ACAP3: variants seen among roughly 807,000 people sequenced by gnomAD.
ACAP3 encodes ArfGAP with coiled-coil, ankyrin repeat and PH domains 3, also known as arf-GAP with coiled-coil, ANK repeat and PH domain-containing protein 3.
A neutral mutation model predicts 104.1 loss-of-function variants in ACAP3; 56 were observed. The ratio of observed to expected loss-of-function variants is 0.54; its 90% CI spans 0.43 to 0.67. The LOEUF is 0.67. Among genes scored for constraint, ACAP3 ranks in the 30% least tolerant of loss-of-function variants. The pLI, the probability that ACAP3 is intolerant of heterozygous loss-of-function variation, is 0.00. For missense variants in ACAP3, 1,208 were observed against 1,174.9 expected (o/e 1.03, Z -0.41); for synonymous variants, 628 against 496.2 (o/e 1.27, Z -3.53).
Position 1,303,741 on chromosome 1 carries a change from C to G in ACAP3, c.105+345G>C. On this transcript the variant is annotated intron_variant, in intron 2 of 23. Coordinates refer to ENST00000354700, the MANE Select transcript of ACAP3 (RefSeq NM_030649.3). The surrounding 1 kb of genome is among the most constrained non-coding windows in gnomAD (Gnocchi z 4.0). The stretch of plus-strand genomic sequence containing the variant: ...CCCCTCCACGGCCTGTTGCCCCCTC[C>G]CCTTTCTCAGCCCCAGCCCCAGCCA... The G allele has an allele frequency of 2.2e-6, 1 of 451,560 alleles. No individual in the cohort carries two copies. 28.0% of individuals were successfully genotyped at this position (451,560 alleles called of 1,614,324 possible). A position where few individuals can be genotyped will look rare whatever the true frequency, so the allele number is the denominator to read the frequency against.
At chr1:1,299,524 A>G (rs757162130) in intron 9 of ACAP3, 168 bp from the exon 10 acceptor site, 1 of 879,932 alleles carries the variant, frequency 1.1e-6, no homozygotes, top group Non-Finnish European at 1.7e-6. Flanking sequence ...CCTGCAGCCA[A>G]CCTCTGCCCG....
At position 1,298,632 on chromosome 1, in the gene ACAP3, G is replaced by T. The variant is rs746185848; in HGVS notation, c.798C>A (p.Pro266=). 32 of 1,611,936 alleles carry T rather than the reference G, an allele frequency of 2.0e-5. 1 individual carries two copies. The East Asian group carries it at 6.9e-4, about 35-fold the overall frequency. ...GGTAGCCCTCCATCACCACCCCACT[G>T]GGCGCGTCCACGTCAAACTCCACTT... is the stretch of plus-strand genomic sequence containing the variant. ...ESKVEFDVDA[P]SGVVMEGYLF... is the part of the protein sequence containing the mutation. Residue 266 remains proline (P), a synonymous_variant, in exon 11 of 24, where the codon CCC becomes CCA. Coordinates refer to ENST00000354700, the MANE Select transcript of ACAP3 (RefSeq NM_030649.3).
rs1468350394 is a variant in ACAP3 at position 1,303,726 on chromosome 1, G to A, written c.105+360C>T. 9.5e-6 allele frequency: 4 copies of A among 419,440 alleles called. No individual in the cohort carries two copies. The allele number at this position is 419,440 out of a possible 1,614,324, so 26.0% of individuals were successfully genotyped here. A position where few individuals can be genotyped will look rare whatever the true frequency, so the allele number is the denominator to read the frequency against. ...CATGGACACGGCTCCCCCCTCCACGGCCTGTTGCCCCCTCCCCTTTCTCAG... is the reference window on the plus strand; with the variant it reads ...CATGGACACGGCTCCCCCCTCCACGACCTGTTGCCCCCTCCCCTTTCTCAG... On this transcript the variant is annotated intron_variant, in intron 2 of 23. Transcript: ENST00000354700. The surrounding 1 kb of genome is among the most constrained non-coding windows in gnomAD (Gnocchi z 4.0).
In ACAP3 at chr1:1,295,549, T is replaced by C. The variant is rs531557895; in HGVS notation, c.1711A>G (p.Thr571Ala). ...TCTCGGCGGAACTTACGATCCAGGG[T>C]GCCCACTGCAGGGGCAGTGCGTGTT... ...PCVAALSSVGTLDRKFRRDSL... is the reference protein window; with the variant it reads ...PCVAALSSVGALDRKFRRDSL... The change falls in exon 19 of 24, where the codon ACC (threonine) becomes GCC (alanine). Residue 571 changes from threonine to alanine, a missense_variant. Coordinates refer to ENST00000354700, the MANE Select transcript of ACAP3 (RefSeq NM_030649.3). The C allele has an allele frequency of 6.2e-7, 1 of 1,612,384 alleles. No individual in the cohort carries two copies. Among genetic ancestry groups the C allele is most frequent in the African/African-American group, 1.3e-5 (1 of 75,018 alleles).
At position 1,302,910 on chromosome 1, in the gene ACAP3, G is replaced by C; in HGVS notation, c.279+12C>G. ...AGGCACAGCCCACAGGTGGCAGGGA[G>C]GCCGCGCTCACCATGTGGTAGTTCA... On this transcript the variant is annotated intron_variant, in intron 4 of 23. Coordinates refer to ENST00000354700, the MANE Select transcript of ACAP3 (RefSeq NM_030649.3). The C allele has an allele frequency of 6.2e-7, 1 of 1,610,940 alleles. No homozygotes were observed. The highest frequency in any genetic ancestry group is 8.5e-7 in the Non-Finnish European group (1 of 1,179,252).
At position 1,294,476 on chromosome 1, in the gene ACAP3, C is replaced by T; in HGVS notation, c.2065G>A (p.Ala689Thr). Residue 689 changes from alanine (A) to threonine (T), a missense_variant, in exon 21 of 24, where the codon GCC becomes ACC. Coordinates refer to ENST00000354700, the MANE Select transcript of ACAP3 (RefSeq NM_030649.3). ...RDLPALAAAL[A>T]HGAEVNWADA... ...GCCCAGTTGACCTCGGCCCCGTGGG[C>T]CAGCGCCGCCGCCAGCGCAGGAAGG... The T allele has an allele frequency of 1.3e-6, 2 of 1,551,468 alleles. No individual in the cohort carries two copies. Among genetic ancestry groups the T allele is most frequent in the Non-Finnish European group, 1.7e-6 (2 of 1,155,222 alleles).
intron 10 of ACAP3, 51 bp downstream of exon 10, chr1:1,299,294 C>T: frequency 3.2e-6 from 5 of 1,582,512 alleles, no homozygotes; most frequent in East Asian, 2.3e-5. Flanking sequence ...AGGCACCGCC[C>T]CATCTGGTCT....
At position 1,300,638 on chromosome 1, in the gene ACAP3, G is replaced by C; in HGVS notation, c.393C>G (p.Asp131Glu). ...TKKQFDKVRE[D>E]LELSLVRNAQ... ...CGTTCCTCACCAGGGACAGCTCCAGGTCCTCCCGCACCTTGTCAAACTGCT... is the reference window on the plus strand; with the variant it reads ...CGTTCCTCACCAGGGACAGCTCCAGCTCCTCCCGCACCTTGTCAAACTGCT... Residue 131 changes from aspartate (D) to glutamate (E), a missense_variant, in exon 6 of 24, where the codon GAC becomes GAG. Asp to Glu is a conservative substitution (Grantham distance 45). Coordinates refer to ENST00000354700, the MANE Select transcript of ACAP3 (RefSeq NM_030649.3). The C allele has an allele frequency of 2.5e-6, 4 of 1,609,394 alleles. No individual in the cohort carries two copies. The highest frequency in any genetic ancestry group is 1.1e-5 in the South Asian group (1 of 90,408).
At chr1:1,300,271 G>T (rs535919523) in intron 6 of ACAP3, 69 bp from the exon 7 acceptor site, 57 of 1,510,972 alleles carry the variant, frequency 3.8e-5, no homozygotes, top group Non-Finnish European at 4.9e-5. Flanking sequence ...ACCTGCCATA[G>T]AGTCCACCTG....
At chr1:1,306,437 G>A (rs1237606422) in intron 1 of ACAP3, among the ~76,000 whole-genome samples, 4 of 152,180 alleles carry the variant, frequency 2.6e-5, no homozygotes, top group Non-Finnish European at 5.9e-5. Flanking sequence ...ATCCTAGGGT[G>A]CTCAAGTTAT....
chr1:1,294,331 G>A (rs1337735432), intron 21 of ACAP3, 71 bp downstream of exon 21: 2 of 1,519,506 alleles, frequency 1.3e-6, no homozygotes, highest in Middle Eastern at 1.7e-4. Context: ...CGACCCTTGT[G>A]TGGGCGCCAC....
Position 1,296,748 on chromosome 1 carries a change from C to T in ACAP3, c.1129-115G>A, listed in dbSNP as rs1023437457. On this transcript the variant is annotated intron_variant, in intron 14 of 23. Transcript: ENST00000354700. ...TGCAGGCCAGGGCCCCTCGAGCACACGCCCGCACACGCACGTACACGCGCA... is the reference window on the plus strand; with the variant it reads ...TGCAGGCCAGGGCCCCTCGAGCACATGCCCGCACACGCACGTACACGCGCA... 14 of 1,089,038 alleles carry T rather than the reference C, an allele frequency of 1.3e-5. No individual in the cohort carries two copies. The Admixed American group carries it at 2.3e-4, about 18-fold the overall frequency. The allele number at this position is 1,089,038 out of a possible 1,614,324, so 67.5% of individuals were successfully genotyped here.
chr1:1,307,214 C>A (rs931870444), intron 1 of ACAP3: 4 of 1,287,004 alleles, frequency 3.1e-6, no homozygotes, highest in Non-Finnish European at 4.1e-6. Flanking sequence ...TGATGGAAAA[C>A]ATGCAGACTC....
intron 14 of ACAP3, among the ~76,000 whole-genome samples, chr1:1,297,163 A>G (rs147583531): frequency 0.088 from 10,827 of 122,404 alleles, 2,033 homozygotes; most frequent in African/African-American, 0.39. Flanking sequence ...GTGTGTGCAC[A>G]GGCGCGGGGC....
chr1:1,293,918 G>C lies in ACAP3; in HGVS notation c.2265C>G (p.Phe755Leu). 2 of 1,576,540 alleles carry C rather than the reference G, an allele frequency of 1.3e-6. No individual in the cohort carries two copies. Among genetic ancestry groups the C allele is most frequent in the South Asian group, 1.1e-5 (1 of 88,540 alleles). The change falls in exon 23 of 24, where the codon TTC (phenylalanine) becomes TTG (leucine). Residue 755 changes from phenylalanine (F) to leucine (L), a missense_variant. Coordinates refer to ENST00000354700, the MANE Select transcript of ACAP3 (RefSeq NM_030649.3). ...CGTGCTGGTCCGCGCCCCGCTTCAG[G>C]AACAGGCAAACCTGGCTGAGGGGCG... ...LLGRTGQVCL[F>L]LKRGADQHAL... is the part of the protein sequence containing the mutation.
In ACAP3 at chr1:1,293,437, A is replaced by C; in HGVS notation, c.*127T>G. 14 of 987,800 alleles carry C rather than the reference A, an allele frequency of 1.4e-5. No homozygotes were observed. In the East Asian group the frequency reaches 1.7e-4, roughly 12 times the overall value. 61.2% of individuals were successfully genotyped at this position (987,800 alleles called of 1,614,324 possible). On this transcript the variant is annotated 3_prime_UTR_variant, in exon 24 of 24. Transcript: ENST00000354700. ...TGGGCGAGCAGGGCCGCGGCGCCCC[A>C]GCACTGGGGCTGCCAGGTATCGACC...
Position 1,299,845 on chromosome 1 carries a change from C to T in ACAP3, c.724G>A (p.Ala242Thr), listed in dbSNP as rs572374252. 1.5e-5 allele frequency: 23 copies of T among 1,551,132 alleles called. No individual in the cohort carries two copies. In the East Asian group the frequency reaches 3.6e-4, roughly 25 times the overall value. Reference sequence around the variant, plus strand: ...CGCGGCCTCACCCGCTGCTGGATGGCGGCGTGCTTTCGCTCCATCTCACGC... The same window carrying T: ...CGCGGCCTCACCCGCTGCTGGATGGTGGCGTGCTTTCGCTCCATCTCACGC... ...EKREMERKHA[A>T]IQQRTLLQDF... The change falls in exon 9 of 24, where the codon GCC (alanine) becomes ACC (threonine). Residue 242 changes from alanine (A) to threonine (T), a missense_variant. Coordinates refer to ENST00000354700, the MANE Select transcript of ACAP3 (RefSeq NM_030649.3).
chr1:1,304,127 C>A lies in ACAP3; in HGVS notation c.64G>T (p.Val22Leu), dbSNP rs1641576452. ...SPRFRATIDE[V>L]ETDVVEIEAK... is the part of the protein sequence containing the mutation. ...TCAATCTCCACCACGTCCGTCTCCACCTCGTCAATGGTCGCCCTAAAGCAA... is the reference window on the plus strand; with the variant it reads ...TCAATCTCCACCACGTCCGTCTCCAACTCGTCAATGGTCGCCCTAAAGCAA... The change falls in exon 2 of 24, where the codon GTG becomes TTG. Residue 22 changes from valine to leucine, a missense_variant. Val to Leu is a conservative substitution (Grantham distance 32). Transcript: ENST00000354700. The A allele has an allele frequency of 1.3e-6, 2 of 1,550,606 alleles. No individual in the cohort carries two copies. Among genetic ancestry groups the A allele is most frequent in the Non-Finnish European group, 8.7e-7 (1 of 1,146,888 alleles).
rs1338531754 is a variant in ACAP3 at position 1,298,422 on chromosome 1, C to G, written c.864-1G>C. The G allele has an allele frequency of 6.2e-7, 1 of 1,601,190 alleles. No individual in the cohort carries two copies. Among genetic ancestry groups the G allele is most frequent in the Non-Finnish European group, 8.5e-7 (1 of 1,173,392 alleles). On this transcript the variant is annotated splice_acceptor_variant, in intron 11 of 23. Transcript: ENST00000354700. LOFTEE classifies it high-confidence loss of function. ...GCTGTTCTGAATGGAGAACCAGCGC[C>G]TAGGTGGGTGGGGGGATGTGGGGAG...
Sources: allele counts gnomAD v4.1 joint callset (sites outside exome capture counted in the v4.1 genomes callset), GRCh38; gene constraint gnomAD v4.1.1; non-coding constraint Gnocchi (gnomAD v3.1); transcripts MANE v1.5; gene names NCBI Gene and HGNC (gene_info 2026-07-23, HGNC 2026-07-21).